SNX29: variants seen among roughly 807,000 people sequenced by gnomAD.
SNX29 encodes the protein sorting nexin-29.
In SNX29, 78 loss-of-function variants were observed where a neutral mutation model predicts 102.1. That is an observed-to-expected ratio of 0.76 (90% CI 0.64 to 0.92). The LOEUF is 0.92. Among genes scored for constraint, SNX29 ranks in the 40% least tolerant of loss-of-function variants. SNX29 has a pLI of 0.00. For synonymous variants in SNX29, 580 were observed against 414.5 expected (o/e 1.40, Z -4.85); for missense variants, 1,280 against 1,061.7 (o/e 1.21, Z -2.86).
At chr16:12,186,981 G>T (rs995939100) in intron 13 of SNX29, among the ~76,000 whole-genome samples, 1 of 152,212 alleles carries the variant, frequency 6.6e-6, no homozygotes, top group Non-Finnish European at 1.5e-5. Flanking sequence ...GCTCACAGCT[G>T]TGTTTTGTTT....
rs191707973 is a variant in SNX29 at position 12,430,012 on chromosome 16, G to A, written c.2037+26483G>A. 1.4e-3 allele frequency among the ~76,000 whole-genome samples: 218 copies of A among 152,334 alleles called. 5 individuals are homozygous for A. Among genetic ancestry groups the A allele is most frequent in the Admixed American group, 0.011 (171 of 15,308 alleles). On this transcript the variant is annotated intron_variant, in intron 18 of 20. Coordinates refer to ENST00000566228, the MANE Select transcript of SNX29 (RefSeq NM_032167.5). ...CGGGCCACACAGCAGGAGGTGAGCCGTGGGCCAGCAAGCATTACTGCCTGA... is the reference window on the plus strand; with the variant it reads ...CGGGCCACACAGCAGGAGGTGAGCCATGGGCCAGCAAGCATTACTGCCTGA...
chr16:12,260,453 G>A (rs1442077798), intron 14 of SNX29, among the ~76,000 whole-genome samples: 3 of 152,180 alleles, frequency 2.0e-5, no homozygotes, highest in Non-Finnish European at 2.9e-5. Context: ...TTCCCATGCG[G>A]CTTGAGGCGC....
At chr16:12,523,081 G>T (rs1349922665) in intron 19 of SNX29, among the ~76,000 whole-genome samples, 4 of 152,168 alleles carry the variant, frequency 2.6e-5, no homozygotes, top group Non-Finnish European at 5.9e-5. Context: ...TAAGGTGCTG[G>T]GATTAAAGGT....
intron 20 of SNX29, among the ~76,000 whole-genome samples, chr16:12,545,901 G>GA (rs2077577207): frequency 6.6e-6 from 1 of 152,166 alleles, no homozygotes; most frequent in South Asian, 2.1e-4. Context: ...GGGGTACCTG[G>GA]AGCATTCTAG....
At chr16:12,233,542 A>G (rs890688742) in intron 14 of SNX29, among the ~76,000 whole-genome samples, 3 of 152,188 alleles carry the variant, frequency 2.0e-5, no homozygotes, top group South Asian at 2.1e-4. Context: ...GCATTATGCA[A>G]TATACCCATG....
At chr16:12,127,702 G>A (rs1029463033) in intron 12 of SNX29, among the ~76,000 whole-genome samples, 1 of 152,144 alleles carries the variant, frequency 6.6e-6, no homozygotes, top group Non-Finnish European at 1.5e-5. Flanking sequence ...GATTATAGAC[G>A]TGAGCCACTG....
chr16:12,027,265 C>A, intron 3 of SNX29, 55 bp from the exon 4 acceptor site: 1 of 1,605,364 alleles, frequency 6.2e-7, no homozygotes, highest in Non-Finnish European at 8.5e-7. Context: ...CTGGGGCCGC[C>A]CTAGTTGCTA....
chr16:12,128,205 C>T (rs1488395651), intron 12 of SNX29, among the ~76,000 whole-genome samples: 1 of 152,172 alleles, frequency 6.6e-6, no homozygotes, highest in Non-Finnish European at 1.5e-5. Context: ...ATTCTTTGTC[C>T]ATGCTCCAGC....
intron 13 of SNX29, among the ~76,000 whole-genome samples, chr16:12,130,057 T>A (rs1198834630): frequency 6.7e-6 from 1 of 150,358 alleles, no homozygotes; most frequent in African/African-American, 2.5e-5. Context: ...TGAGCCGAAA[T>A]CACACCACTG....
chr16:12,063,917 T>G (rs1395925133), intron 9 of SNX29, among the ~76,000 whole-genome samples: 2 of 152,066 alleles, frequency 1.3e-5, no homozygotes, highest in East Asian at 3.9e-4. Flanking sequence ...ACCTTGCTGA[T>G]GCCTGTTCAG....
chr16:12,122,836 T>A (rs571640196), intron 11 of SNX29, among the ~76,000 whole-genome samples: 13 of 151,202 alleles, frequency 8.6e-5, no homozygotes, highest in East Asian at 3.9e-4. Context: ...TTAAAAAAAA[T>A]TTTTTTTCTA....
chr16:12,343,936 G>A (rs572175089), intron 15 of SNX29, among the ~76,000 whole-genome samples: 1 of 152,324 alleles, frequency 6.6e-6, no homozygotes, highest in Non-Finnish European at 1.5e-5. Flanking sequence ...ATCTTGAATT[G>A]TAGCTCCCAT....
chr16:12,185,647 G>A (rs557944771), intron 13 of SNX29, among the ~76,000 whole-genome samples: 1 of 152,196 alleles, frequency 6.6e-6, no homozygotes, highest in Admixed American at 6.5e-5. Flanking sequence ...TACTGCATTC[G>A]CAGTCCATGT....
At chr16:12,103,351 AC>A (rs2053096848) in intron 11 of SNX29, among the ~76,000 whole-genome samples, 1 of 152,226 alleles carries the variant, frequency 6.6e-6, no homozygotes, top group Non-Finnish European at 1.5e-5. Context: ...TGGTACCAGA[AC>A]AGATATATAG....
At chr16:12,365,648 G>A (rs996043787) in intron 16 of SNX29, among the ~76,000 whole-genome samples, 16 of 150,156 alleles carry the variant, frequency 1.1e-4, no homozygotes, top group Non-Finnish European at 2.2e-4. Context: ...CCGAGATCAC[G>A]CAACTACACT....
chr16:12,536,754 GA>G (rs1567669062), intron 20 of SNX29, among the ~76,000 whole-genome samples: 1 of 152,168 alleles, frequency 6.6e-6, no homozygotes, highest in East Asian at 1.9e-4. Flanking sequence ...AAGGCAGGCG[GA>G]TCAGGAGGCC....
chr16:12,558,332 G>C (rs2078502335), intron 20 of SNX29, among the ~76,000 whole-genome samples: 1 of 149,796 alleles, frequency 6.7e-6, no homozygotes, highest in South Asian at 2.1e-4. Context: ...TATCAACAAA[G>C]AGACAAAGAG....
chr16:11,979,275 C>CAAAAAAAAAAAAAAAAAAAAAAAAA (rs71139569), intron 1 of SNX29, among the ~76,000 whole-genome samples: 6 of 61,998 alleles, frequency 9.7e-5, no homozygotes, highest in African/African-American at 4.5e-4. Flanking sequence ...ACTCAGTCTC[C>CAAAAAAAAAAAAAAAAAAAAAAAAA]AAAAAAAAAA....
At chr16:12,396,763 T>G (rs950601816) in intron 16 of SNX29, among the ~76,000 whole-genome samples, 5 of 152,150 alleles carry the variant, frequency 3.3e-5, no homozygotes, top group Non-Finnish European at 7.4e-5. Flanking sequence ...TGGAGTGGGA[T>G]GAGGTGGAAA....
Sources: allele counts gnomAD v4.1 joint callset (sites outside exome capture counted in the v4.1 genomes callset), GRCh38; gene constraint gnomAD v4.1.1; transcripts MANE v1.5; gene names NCBI Gene and HGNC (gene_info 2026-07-23, HGNC 2026-07-21).